The following GALNT17 variants were observed in gnomAD, a reference collection of about 807,000 sequenced individuals.
GALNT17 encodes the protein polypeptide N-acetylgalactosaminyltransferase 17.
Under a neutral mutation model 63.7 loss-of-function variants are expected in GALNT17, and 29 were observed. The ratio of observed to expected loss-of-function variants is 0.46; its 90% CI spans 0.34 to 0.62. The LOEUF (loss-of-function observed/expected upper bound fraction) is 0.62, where lower values mean the gene tolerates loss of function less well. Among genes scored for constraint, GALNT17 ranks in the 20% least tolerant of loss-of-function variants. GALNT17 has a pLI of 0.01. For synonymous variants in GALNT17, 305 were observed against 318.3 expected, an observed-to-expected ratio of 0.96 and a Z score of 0.45; for missense variants, 603 against 799.6, an observed-to-expected ratio of 0.75 and a Z score of 2.97.
intron 1 of GALNT17, among the ~76,000 whole-genome samples, chr7:71,320,935 G>A (rs1407281757): frequency 6.6e-6 from 1 of 152,170 alleles, no homozygotes; most frequent in Non-Finnish European, 1.5e-5. Context: ...ATGCTTTTGG[G>A]AGAATTGGTG....
chr7:71,448,793 A>C (rs1324573020), intron 5 of GALNT17, among the ~76,000 whole-genome samples: 1 of 152,228 alleles, frequency 6.6e-6, no homozygotes, highest in East Asian at 1.9e-4. Flanking sequence ...CAAGTTGTAT[A>C]CATTAACTAT....
chr7:71,573,491 C>T (rs946084033), intron 6 of GALNT17, among the ~76,000 whole-genome samples: 21 of 151,670 alleles, frequency 1.4e-4, no homozygotes, highest in Admixed American at 7.9e-4. Context: ...CCACCTTGCC[C>T]GGCTAATTTT....
intron 5 of GALNT17, among the ~76,000 whole-genome samples, chr7:71,447,184 C>G (rs1196041175): frequency 1.3e-5 from 2 of 152,190 alleles, no homozygotes; most frequent in Non-Finnish European, 2.9e-5. Flanking sequence ...AGACTGCTCC[C>G]ACTTTAGGCA....
chr7:71,245,083 G>A (rs2116476148), intron 1 of GALNT17, among the ~76,000 whole-genome samples: 1 of 152,270 alleles, frequency 6.6e-6, no homozygotes, highest in African/African-American at 2.4e-5. Context: ...AATGCCTCTT[G>A]GTATCTGTGT....
At position 71,207,754 on chromosome 7, in the gene GALNT17, G is replaced by A. The variant is rs1217620425; in HGVS notation, c.238+74714G>A. The stretch of plus-strand genomic sequence containing the variant: ...GGGAGCCTTGTGTGCCCATTTATGA[G>A]TGTAGACTTGATCTTGAAGACACCT... On this transcript the variant is annotated intron_variant, in intron 1 of 10. Coordinates refer to ENST00000333538, the MANE Select transcript of GALNT17 (RefSeq NM_022479.3). Among the ~76,000 whole-genome samples the A allele has an allele frequency of 2.6e-5, 4 of 152,124 alleles. 1 individual carries two copies. The highest frequency in any genetic ancestry group is 4.4e-5 in the Non-Finnish European group (3 of 68,032).
At chr7:71,415,312 A>T (rs1793505108) in intron 3 of GALNT17, among the ~76,000 whole-genome samples, 1 of 152,224 alleles carries the variant, frequency 6.6e-6, no homozygotes, top group African/African-American at 2.4e-5. Flanking sequence ...TAGTTAATTA[A>T]TGAAATTAAT....
At chr7:71,339,506 A>T (rs73358150) in intron 2 of GALNT17, among the ~76,000 whole-genome samples, 15,447 of 152,062 alleles carry the variant, frequency 0.1, 1,859 homozygotes, top group African/African-American at 0.28. Flanking sequence ...GGCCAACGTG[A>T]TGACACCCTG....
At chr7:71,492,696 C>A (rs919320255) in intron 5 of GALNT17, among the ~76,000 whole-genome samples, 2 of 152,228 alleles carry the variant, frequency 1.3e-5, no homozygotes, top group African/African-American at 4.8e-5. Context: ...GTTTATTAAT[C>A]TGTCAAATGG....
intron 3 of GALNT17, among the ~76,000 whole-genome samples, chr7:71,405,443 A>G (rs1189114737): frequency 2.6e-5 from 4 of 152,216 alleles, no homozygotes; most frequent in Admixed American, 2.0e-4. Flanking sequence ...CCTGAGCAAC[A>G]TAACAAGACC....
At chr7:71,669,362 TTATCCAGGCA>T (rs1791032409) in intron 7 of GALNT17, among the ~76,000 whole-genome samples, 1 of 151,698 alleles carries the variant, frequency 6.6e-6, no homozygotes, top group Non-Finnish European at 1.5e-5. Context: ...AATATAAAAA[TTATCCAGGCA>T]TGGTGATGCA....
At chr7:71,690,127 C>T (rs1421936420) in intron 9 of GALNT17, among the ~76,000 whole-genome samples, 3 of 151,254 alleles carry the variant, frequency 2.0e-5, no homozygotes, top group Non-Finnish European at 4.4e-5. Context: ...TGGGTTCAGG[C>T]GAGTCTCCCG....
chr7:71,328,157 T>C (rs1183270340), intron 1 of GALNT17, among the ~76,000 whole-genome samples: 1 of 152,234 alleles, frequency 6.6e-6, no homozygotes, highest in Non-Finnish European at 1.5e-5. Flanking sequence ...CCTCTCTTTA[T>C]CTTCGAGTTC....
intron 5 of GALNT17, among the ~76,000 whole-genome samples, chr7:71,541,858 C>T (rs1788898339): frequency 6.6e-6 from 1 of 152,176 alleles, no homozygotes; most frequent in Non-Finnish European, 1.5e-5. Flanking sequence ...CAGTTACTTG[C>T]ACATCGTGTC....
chr7:71,512,321 C>T (rs1391268879), intron 5 of GALNT17, among the ~76,000 whole-genome samples: 1 of 151,870 alleles, frequency 6.6e-6, no homozygotes, highest in East Asian at 1.9e-4. Context: ...TTGCAGCCTT[C>T]TGACATCATG....
At chr7:71,559,309 G>T (rs768103561) in intron 5 of GALNT17, among the ~76,000 whole-genome samples, 35 of 152,162 alleles carry the variant, frequency 2.3e-4, no homozygotes, top group Non-Finnish European at 1.6e-4. Context: ...GCAGCTGCAA[G>T]TTCCCAGAAA....
chr7:71,603,702 T>C (rs775159326), intron 6 of GALNT17, among the ~76,000 whole-genome samples: 2 of 151,848 alleles, frequency 1.3e-5, no homozygotes, highest in Non-Finnish European at 2.9e-5. Context: ...TAAGTGCATA[T>C]GCTGGATACC....
intron 1 of GALNT17, among the ~76,000 whole-genome samples, chr7:71,325,250 C>T (rs1791684327): frequency 6.6e-6 from 1 of 152,148 alleles, no homozygotes; most frequent in Non-Finnish European, 1.5e-5. Flanking sequence ...GATGATCTAG[C>T]ATAAGGTAGG....
chr7:71,353,931 C>A (rs748034767), intron 2 of GALNT17, among the ~76,000 whole-genome samples: 1 of 152,046 alleles, frequency 6.6e-6, no homozygotes, highest in Non-Finnish European at 1.5e-5. Context: ...GCTGGGCCTC[C>A]GGGGAGGCCT....
intron 2 of GALNT17, among the ~76,000 whole-genome samples, chr7:71,363,394 C>T (rs1792443117): frequency 6.6e-6 from 1 of 152,356 alleles, no homozygotes; most frequent in East Asian, 1.9e-4. Context: ...TCCTTACCCT[C>T]AGAGCAGAGC....
Sources: gnomAD v4.1 joint callset for allele counts (sites outside exome capture counted in the v4.1 genomes callset) on GRCh38, gnomAD v4.1.1 for gene constraint, MANE v1.5 for transcripts, NCBI Gene and HGNC (gene_info 2026-07-23, HGNC 2026-07-21) for gene names.